Variants in TENM4 observed in about 807,000 individuals in gnomAD.
The protein encoded by TENM4 is teneurin-4.
TENM4 carries 82 observed loss-of-function variants against 243.3 expected under a neutral mutation model. The ratio of observed to expected loss-of-function variants is 0.34; its 90% confidence interval spans 0.28 to 0.40. The LOEUF (loss-of-function observed/expected upper bound fraction) is 0.40, where lower values mean the gene tolerates loss of function less well. TENM4 is among the 10% of genes least tolerant of loss of function. TENM4 has a pLI of 1.00. For synonymous variants in TENM4, 1,412 were observed against 1,456.3 expected (o/e 0.97, Z 0.69); for missense variants, 3,138 against 3,673.3 (o/e 0.85, Z 3.77).
intron 24 of TENM4, among the ~76,000 whole-genome samples, chr11:78,721,062 G>A (rs1390833477): frequency 3.3e-5 from 5 of 152,156 alleles, no homozygotes; most frequent in African/African-American, 7.2e-5. Context: ...AGGTGAAAAC[G>A]GAGGTCCAGG....
intron 1 of TENM4, among the ~76,000 whole-genome samples, chr11:79,432,530 G>GT (rs1275568483): frequency 6.6e-6 from 1 of 152,130 alleles, no homozygotes; most frequent in Non-Finnish European, 1.5e-5. Flanking sequence ...ACATTTAAAA[G>GT]TTTTTTACCG....
chr11:79,433,731 A>G (rs1180740128), intron 1 of TENM4, among the ~76,000 whole-genome samples: 1 of 152,196 alleles, frequency 6.6e-6, no homozygotes, highest in Non-Finnish European at 1.5e-5. Context: ...GAGATCCCAT[A>G]TGGCCTGTTT....
Position 78,889,791 on chromosome 11 carries a change from A to G in TENM4, c.1078T>C (p.Phe360Leu), listed in dbSNP as rs1362481884. ...SATLVILLAY[F>L]VAMHLFGLNW... ...GGGGTGAAGAGGTGCTTACCCACAA[A>G]GTATGCCAGCAGGATGACCAGAGTG... The change falls in exon 9 of 34, where the codon TTT becomes CTT. Residue 360 changes from phenylalanine to leucine, a missense_variant. This residue lies in a region of TENM4 where 671 missense variants were observed against 614.1 expected (regional missense o/e 1.09). Transcript: ENST00000278550. 6.4e-7 allele frequency: 1 copy of G among 1,552,058 alleles called. No individual in the cohort carries two copies. Among genetic ancestry groups the G allele is most frequent in the Non-Finnish European group, 8.7e-7 (1 of 1,147,060 alleles).
intron 28 of TENM4, among the ~76,000 whole-genome samples, chr11:78,695,497 G>A (rs971782992): frequency 1.1e-4 from 17 of 152,158 alleles, no homozygotes; most frequent in South Asian, 8.3e-4. Context: ...CCGAGTAGCT[G>A]GGACTACAGG....
At chr11:78,810,153 A>G (rs1283373023) in intron 14 of TENM4, among the ~76,000 whole-genome samples, 1 of 152,208 alleles carries the variant, frequency 6.6e-6, no homozygotes, top group African/African-American at 2.4e-5. Flanking sequence ...AGAAGTGTGG[A>G]GGACAAAGGC....
rs551729893 is a variant in TENM4, at chr11:79,434,928, A to G, written c.-321+5581T>C. On this transcript the variant is annotated intron_variant, in intron 1 of 33. Coordinates refer to ENST00000278550, the MANE Select transcript of TENM4 (RefSeq NM_001098816.3). ...GTTATGATAATAAAAAAAAATAAAC[A>G]CAAAGTCAAAAAATTAGGTACTCAT... is the stretch of plus-strand genomic sequence containing the variant. 2.0e-5 allele frequency among the ~76,000 whole-genome samples: 3 copies of G among 152,286 alleles called. No individual in the cohort carries two copies. In the South Asian group the frequency reaches 6.2e-4, roughly 32 times the overall value.
intron 4 of TENM4, among the ~76,000 whole-genome samples, chr11:79,094,572 G>C (rs2137060579): frequency 6.6e-6 from 1 of 152,322 alleles, no homozygotes; most frequent in East Asian, 1.9e-4. Context: ...AATTCCAGTA[G>C]GCATTGGGGG....
At chr11:78,998,348 A>C (rs1363878326) in intron 6 of TENM4, among the ~76,000 whole-genome samples, 1 of 152,220 alleles carries the variant, frequency 6.6e-6, no homozygotes, top group East Asian at 1.9e-4. Context: ...TTGCTCTGTC[A>C]GTCTCACCTA....
intron 17 of TENM4, among the ~76,000 whole-genome samples, chr11:78,776,031 T>C (rs1459363278): frequency 6.6e-6 from 1 of 152,176 alleles, no homozygotes; most frequent in African/African-American, 2.4e-5. Context: ...TTTATGTTTC[T>C]CTTACTGGTC....
chr11:78,671,290 T>C (rs971374530), intron 31 of TENM4, among the ~76,000 whole-genome samples: 2 of 148,580 alleles, frequency 1.3e-5, no homozygotes, highest in African/African-American at 2.6e-5. Flanking sequence ...CCAAGGTCTC[T>C]CTCTCTCTTA....
intron 1 of TENM4, among the ~76,000 whole-genome samples, chr11:79,328,118 G>A (rs183488427): frequency 1.2e-3 from 189 of 152,280 alleles, no homozygotes; most frequent in Non-Finnish European, 1.3e-3. Context: ...TTAGCCATCA[G>A]CTCTATTGAA....
At chr11:79,001,680 A>G (rs530533162) in intron 6 of TENM4, among the ~76,000 whole-genome samples, 87 of 152,250 alleles carry the variant, frequency 5.7e-4, no homozygotes, top group Admixed American at 1.6e-3. Context: ...CTGAAGCTGG[A>G]CAGAGCAGGG....
chr11:78,668,973 T>G lies in TENM4; in HGVS notation c.7372A>C (p.Ile2458Leu), dbSNP rs373129571. ...CACTTGATGTCCTGGGAGTTGCTGA[T>G]GGGGTTGTTGTTTTTGAACATATAG... ...NLYMFKNNNP[I>L]SNSQDIKCFM... The change falls in exon 32 of 34, where the codon ATC (isoleucine) becomes CTC (leucine). Residue 2458 changes from isoleucine to leucine, a missense_variant. Ile to Leu is a conservative substitution (Grantham distance 5). Coordinates refer to ENST00000278550, the MANE Select transcript of TENM4 (RefSeq NM_001098816.3). 26 of 1,613,644 alleles carry G rather than the reference T, an allele frequency of 1.6e-5. No individual in the cohort carries two copies. The highest frequency in any genetic ancestry group is 2.0e-5 in the Non-Finnish European group (24 of 1,179,766).
chr11:79,138,301 A>T (rs1276620194), intron 4 of TENM4, among the ~76,000 whole-genome samples: 1 of 124,004 alleles, frequency 8.1e-6, no homozygotes, highest in Non-Finnish European at 1.6e-5. Flanking sequence ...AATACTTAAT[A>T]AACTCCCCTT....
At chr11:78,659,495 T>G (rs976336551) in intron 33 of TENM4, among the ~76,000 whole-genome samples, 1 of 144,486 alleles carries the variant, frequency 6.9e-6, no homozygotes, top group African/African-American at 2.6e-5. Flanking sequence ...GTGGAGGAGG[T>G]GGGGTTTGAG....
chr11:78,961,645 GT>G (rs1857323792), intron 6 of TENM4, among the ~76,000 whole-genome samples: 1 of 152,176 alleles, frequency 6.6e-6, no homozygotes, highest in African/African-American at 2.4e-5. Context: ...TGTTTTATGG[GT>G]AATGGGGTAA....
chr11:78,935,035 C>T lies in TENM4; in HGVS notation c.494-31512G>A, dbSNP rs372878025. On this transcript the variant is annotated intron_variant, in intron 6 of 33. Coordinates refer to ENST00000278550, the MANE Select transcript of TENM4 (RefSeq NM_001098816.3). Reference sequence around the variant, plus strand: ...TTTTTTTTTTTTTGAGACGGAGTCTCGCTCTGTCGCCCAGGCCGGACTGCG... The same window carrying T: ...TTTTTTTTTTTTTGAGACGGAGTCTTGCTCTGTCGCCCAGGCCGGACTGCG... Among the ~76,000 whole-genome samples, 31 of 113,386 alleles carry T rather than the reference C, an allele frequency of 2.7e-4. No individual in the cohort carries two copies. In the East Asian group the frequency reaches 3.3e-3, roughly 12 times the overall value. 74.4% of individuals were successfully genotyped at this position (113,386 alleles called of 152,430 possible).
intron 9 of TENM4, among the ~76,000 whole-genome samples, chr11:78,875,301 T>G (rs1203882488): frequency 2.0e-5 from 3 of 152,144 alleles, no homozygotes; most frequent in African/African-American, 7.2e-5. Context: ...CCTCCTAGGC[T>G]CCAGTGATTC....
intron 9 of TENM4, among the ~76,000 whole-genome samples, chr11:78,874,020 C>T (rs1031828187): frequency 2.6e-5 from 4 of 152,124 alleles, no homozygotes; most frequent in African/African-American, 7.2e-5. Context: ...AAAGTAGCCA[C>T]TGCCCTCAGC....
Sources: allele counts gnomAD v4.1 joint callset (sites outside exome capture counted in the v4.1 genomes callset), GRCh38; gene constraint gnomAD v4.1.1; regional missense constraint gnomAD v4.1.1; transcripts MANE v1.5; gene names NCBI Gene and HGNC (gene_info 2026-07-23, HGNC 2026-07-21).